STAG1: variants seen among roughly 807,000 people sequenced by gnomAD.
STAG1 encodes the protein cohesin subunit SA-1.
A neutral mutation model predicts 170.9 loss-of-function variants in STAG1; 26 were observed. That is an observed-to-expected ratio of 0.15 (90% CI 0.11 to 0.21). STAG1 has a LOEUF of 0.21. Among genes scored for constraint, STAG1 ranks in the 10% least tolerant of loss-of-function variants. The pLI, the probability that STAG1 is intolerant of heterozygous loss-of-function variation, is 1.00. For synonymous variants in STAG1, 514 were observed against 497.7 expected, an observed-to-expected ratio of 1.03 and a Z score of -0.44; for missense variants, 964 against 1,509.5, an observed-to-expected ratio of 0.64 and a Z score of 5.99.
intron 4 of STAG1, among the ~76,000 whole-genome samples, chr3:136,603,804 G>A (rs528371842): frequency 2.6e-5 from 4 of 152,062 alleles, no homozygotes; most frequent in South Asian, 4.1e-4. Flanking sequence ...GGGGAATGGC[G>A]TGAACCCGGG....
At chr3:136,582,287 C>T (rs1436773707) in intron 4 of STAG1, among the ~76,000 whole-genome samples, 1 of 152,056 alleles carries the variant, frequency 6.6e-6, no homozygotes, top group African/African-American at 2.4e-5. Context: ...GAGAGAAGTT[C>T]AGGTAATAAA....
chr3:136,431,627 T>C (rs2088306628), intron 16 of STAG1, among the ~76,000 whole-genome samples: 2 of 152,200 alleles, frequency 1.3e-5, no homozygotes, highest in Admixed American at 6.5e-5. Context: ...TCTCCAAATT[T>C]TTCCTTTTTG....
At position 136,681,031 on chromosome 3, in the gene STAG1, C is replaced by T. The variant is rs190330337; in HGVS notation, c.-83-50050G>A. Among the ~76,000 whole-genome samples, 508 of 152,012 alleles carry T rather than the reference C, an allele frequency of 3.3e-3. 8 individuals carry two copies. In the East Asian group the frequency reaches 0.048, roughly 14 times the overall value. Reference sequence around the variant, plus strand: ...AACCTTTTAAAATTTCTTATGATACCTAATAAAACATAAATGCTATATTAA... The same window carrying T: ...AACCTTTTAAAATTTCTTATGATACTTAATAAAACATAAATGCTATATTAA... On this transcript the variant is annotated intron_variant, in intron 1 of 33. Coordinates refer to ENST00000383202, the MANE Select transcript of STAG1 (RefSeq NM_005862.3).
chr3:136,620,039 C>G (rs1489307679), intron 3 of STAG1, among the ~76,000 whole-genome samples: 6 of 151,742 alleles, frequency 4.0e-5, no homozygotes, highest in Non-Finnish European at 8.8e-5. Context: ...GCACTGCAGC[C>G]TGGGTGACAG....
chr3:136,663,333 G>A (rs1191437637), intron 1 of STAG1, among the ~76,000 whole-genome samples: 3 of 152,078 alleles, frequency 2.0e-5, no homozygotes, highest in Non-Finnish European at 4.4e-5. Flanking sequence ...CTATGAAGTA[G>A]ATATTACTAT....
intron 25 of STAG1, among the ~76,000 whole-genome samples, chr3:136,364,004 C>A (rs558493182): frequency 2.0e-5 from 3 of 152,136 alleles, no homozygotes; most frequent in Non-Finnish European, 4.4e-5. Context: ...AAGTGAGCTA[C>A]CCACCTCAGC....
chr3:136,569,883 T>C (rs1467642003), intron 4 of STAG1, among the ~76,000 whole-genome samples: 2 of 152,086 alleles, frequency 1.3e-5, no homozygotes, highest in Non-Finnish European at 2.9e-5. Context: ...ATTCTGAATT[T>C]AAAAAAAGAT....
At chr3:136,365,019 T>G (rs1022963080) in intron 25 of STAG1, among the ~76,000 whole-genome samples, 1 of 152,062 alleles carries the variant, frequency 6.6e-6, no homozygotes, top group Non-Finnish European at 1.5e-5. Flanking sequence ...GTACAAAAAT[T>G]GGAGGAAAAG....
Position 136,693,789 on chromosome 3 carries a change from A to G in STAG1, c.-84+58406T>C, listed in dbSNP as rs541676291. ...CTCATTATGTTGCCAGGCTGGTATC[A>G]AATTCCCAGGCTCAAGCCATTGATC... On this transcript the variant is annotated intron_variant, in intron 1 of 33. Transcript: ENST00000383202. 2.6e-5 allele frequency among the ~76,000 whole-genome samples: 4 copies of G among 151,970 alleles called. No homozygotes were observed. The South Asian group carries it at 8.3e-4, about 32-fold the overall frequency.
intron 2 of STAG1, among the ~76,000 whole-genome samples, chr3:136,629,698 G>C (rs1184906411): frequency 2.6e-5 from 4 of 151,994 alleles, no homozygotes; most frequent in African/African-American, 9.7e-5. Context: ...TCAATCAGAG[G>C]TTCTCTCTTG....
At chr3:136,476,562 T>C (rs1014390401) in intron 10 of STAG1, among the ~76,000 whole-genome samples, 2 of 152,214 alleles carry the variant, frequency 1.3e-5, no homozygotes, top group African/African-American at 4.8e-5. Context: ...ACAGCTGTTC[T>C]CTGTAAAGTC....
intron 20 of STAG1, 40 bp from the exon 21 acceptor site, chr3:136,418,012 G>A: frequency 6.7e-7 from 1 of 1,481,652 alleles, no homozygotes; most frequent in Non-Finnish European, 9.4e-7. Context: ...TTCTAGAATG[G>A]AAGGAAATTT....
At chr3:136,736,729 A>C in intron 1 of STAG1, 1 of 1,602,262 alleles carries the variant, frequency 6.2e-7, no homozygotes, top group Non-Finnish European at 8.5e-7. Flanking sequence ...CTTTCCTTTT[A>C]ATTTCCAGCT....
intron 7 of STAG1, among the ~76,000 whole-genome samples, chr3:136,512,063 T>G (rs1576548586): frequency 1.0e-5 from 1 of 95,648 alleles, no homozygotes; most frequent in Non-Finnish European, 1.9e-5. Context: ...GAGACCAGAC[T>G]AGGAAACACA....
intron 15 of STAG1, among the ~76,000 whole-genome samples, chr3:136,439,339 T>C (rs571063927): frequency 6.7e-6 from 1 of 150,176 alleles, no homozygotes; most frequent in East Asian, 2.0e-4. Context: ...GATCCAAACA[T>C]TATACTAAAA....
chr3:136,410,094 A>C (rs1417471101), intron 21 of STAG1, among the ~76,000 whole-genome samples: 2 of 150,022 alleles, frequency 1.3e-5, no homozygotes, highest in African/African-American at 4.9e-5. Context: ...AAAAAAAGAT[A>C]AATACAAAAA....
At chr3:136,477,140 C>A in intron 10 of STAG1, 149 bp downstream of exon 10, 1 of 804,286 alleles carries the variant, frequency 1.2e-6, no homozygotes, top group South Asian at 2.8e-5. Flanking sequence ...TCATCACAAT[C>A]ATCAAGTAAA....
chr3:136,484,194 C>A (rs1376079397), intron 9 of STAG1, among the ~76,000 whole-genome samples: 1 of 151,224 alleles, frequency 6.6e-6, no homozygotes, highest in Non-Finnish European at 1.5e-5. Flanking sequence ...TCTGTTTTTT[C>A]CCCATCTTTG....
intron 29 of STAG1, among the ~76,000 whole-genome samples, chr3:136,344,715 G>A (rs1936145969): frequency 6.6e-6 from 1 of 152,058 alleles, no homozygotes. Context: ...CCAGGTTCAA[G>A]CGATTCTCCT....
Sources: gnomAD v4.1 joint callset for allele counts (sites outside exome capture counted in the v4.1 genomes callset) on GRCh38, gnomAD v4.1.1 for gene constraint, MANE v1.5 for transcripts, NCBI Gene and HGNC (gene_info 2026-07-23, HGNC 2026-07-21) for gene names.